PPFIA2: variants seen among roughly 807,000 people sequenced by gnomAD.
PPFIA2 encodes the protein PPFI scaffold protein A2.
PPFIA2 carries 46 observed loss-of-function variants against 175.5 expected under a neutral mutation model. The ratio of observed to expected loss-of-function variants is 0.26; its 90% CI spans 0.21 to 0.34. The LOEUF is 0.34. Ranked by LOEUF, PPFIA2 falls within the 10% of genes least tolerant of loss-of-function variation. PPFIA2 has a pLI of 1.00. For synonymous variants in PPFIA2, 568 were observed against 511.4 expected, an observed-to-expected ratio of 1.11 and a Z score of -1.49; for missense variants, 1,179 against 1,506.1, an observed-to-expected ratio of 0.78 and a Z score of 3.60.
intron 4 of PPFIA2, among the ~76,000 whole-genome samples, chr12:81,586,577 G>T (rs2075332158): frequency 8.2e-6 from 1 of 122,060 alleles, no homozygotes; most frequent in Non-Finnish European, 1.9e-5. Context: ...TCATAACAAA[G>T]ATTCAATATG....
Position 81,758,472 on chromosome 12 carries a change from AG to A in PPFIA2, c.-76del, listed in dbSNP as rs1310225634. The stretch of plus-strand genomic sequence containing the variant: ...AACCGCAGTCTCCGGCTTGAGGAGA[AG>A]GGAGGCTCACACCCAGCACTCCTGG... On this transcript the variant is annotated 5_prime_UTR_variant, in exon 2 of 33. Coordinates refer to ENST00000549396, the MANE Select transcript of PPFIA2 (RefSeq NM_003625.5). The A allele has an allele frequency of 2.2e-6, 1 of 456,528 alleles. No individual in the cohort carries two copies. The highest frequency in any genetic ancestry group is 2.3e-5 in the Admixed American group (1 of 42,580). The allele number at this position is 456,528 out of a possible 1,614,324, so 28.3% of individuals were successfully genotyped here. A position where few individuals can be genotyped will look rare whatever the true frequency, so the allele number is the denominator to read the frequency against.
chr12:81,671,873 T>C (rs1340826808), intron 4 of PPFIA2, among the ~76,000 whole-genome samples: 1 of 135,558 alleles, frequency 7.4e-6, no homozygotes, highest in African/African-American at 2.5e-5. Flanking sequence ...ATTATTATTT[T>C]CTATTTGCCT....
At chr12:81,597,284 T>C (rs2059351901) in intron 4 of PPFIA2, among the ~76,000 whole-genome samples, 1 of 152,078 alleles carries the variant, frequency 6.6e-6, no homozygotes, top group Non-Finnish European at 1.5e-5. Context: ...TGATGGCTGA[T>C]TTATTCACAG....
At chr12:81,332,757 G>A (rs1210653833) in intron 21 of PPFIA2, among the ~76,000 whole-genome samples, 1 of 152,034 alleles carries the variant, frequency 6.6e-6, no homozygotes, top group Non-Finnish European at 1.5e-5. Flanking sequence ...TTTCCTTTCC[G>A]GATCATCAGA....
chr12:81,552,682 A>T (rs1011835809), intron 4 of PPFIA2, among the ~76,000 whole-genome samples: 1 of 152,082 alleles, frequency 6.6e-6, no homozygotes, highest in African/African-American at 2.4e-5. Flanking sequence ...AAATGATAAT[A>T]ATTCAAATAA....
intron 4 of PPFIA2, among the ~76,000 whole-genome samples, chr12:81,649,288 CATATAGA>C: frequency 6.6e-6 from 1 of 152,170 alleles, no homozygotes; most frequent in East Asian, 1.9e-4. Flanking sequence ...CTTTAATGGG[CATATAGA>C]CAGCCAATAA....
chr12:81,615,389 A>T (rs891315896), intron 4 of PPFIA2, among the ~76,000 whole-genome samples: 5 of 152,224 alleles, frequency 3.3e-5, no homozygotes, highest in Non-Finnish European at 7.3e-5. Flanking sequence ...CCACATTAGC[A>T]TATAGACTGA....
chr12:81,337,794 A>G (rs1241366739), intron 21 of PPFIA2, among the ~76,000 whole-genome samples: 1 of 152,136 alleles, frequency 6.6e-6, no homozygotes, highest in Non-Finnish European at 1.5e-5. Flanking sequence ...ACTGTAATAT[A>G]TTGGATATGA....
At chr12:81,529,667 T>C (rs1398358071) in intron 4 of PPFIA2, among the ~76,000 whole-genome samples, 1 of 151,986 alleles carries the variant, frequency 6.6e-6, no homozygotes, top group Non-Finnish European at 1.5e-5. Context: ...TGAATGCCTT[T>C]AAAAATTGTA....
chr12:81,714,571 T>C (rs1224667636), intron 3 of PPFIA2, among the ~76,000 whole-genome samples: 1 of 150,958 alleles, frequency 6.6e-6, no homozygotes, highest in Non-Finnish European at 1.5e-5. Context: ...TGCCCTCGAA[T>C]AGATAAGCAC....
intron 7 of PPFIA2, among the ~76,000 whole-genome samples, chr12:81,418,046 TATTA>T (rs1481656527): frequency 2.0e-5 from 3 of 152,020 alleles, no homozygotes; most frequent in South Asian, 2.1e-4. Context: ...TGTTTGAATG[TATTA>T]ATTAATTTAA....
At chr12:81,648,135 T>C (rs1487734046) in intron 4 of PPFIA2, among the ~76,000 whole-genome samples, 1 of 151,330 alleles carries the variant, frequency 6.6e-6, no homozygotes, top group Non-Finnish European at 1.5e-5. Flanking sequence ...CTGAAATCAA[T>C]GTATACAATT....
chr12:81,391,830 G>T (rs1293948858), intron 8 of PPFIA2, among the ~76,000 whole-genome samples: 2 of 151,872 alleles, frequency 1.3e-5, no homozygotes, highest in African/African-American at 2.4e-5. Flanking sequence ...GAAACAGAAA[G>T]ATCAAAGACA....
At chr12:81,734,855 C>T (rs1408860745) in intron 3 of PPFIA2, among the ~76,000 whole-genome samples, 1 of 151,780 alleles carries the variant, frequency 6.6e-6, no homozygotes, top group African/African-American at 2.4e-5. Context: ...CGTAGGCAAA[C>T]TTTAATCTCC....
At chr12:81,664,027 C>T (rs1007154047) in intron 4 of PPFIA2, among the ~76,000 whole-genome samples, 48 of 152,082 alleles carry the variant, frequency 3.2e-4, no homozygotes, top group African/African-American at 1.1e-3. Flanking sequence ...ACACCTTATA[C>T]AAAAATAAAT....
intron 4 of PPFIA2, among the ~76,000 whole-genome samples, chr12:81,613,599 A>G (rs1393266848): frequency 1.3e-5 from 2 of 152,164 alleles, no homozygotes; most frequent in Non-Finnish European, 2.9e-5. Context: ...GATACAAAGA[A>G]TTCTCAGTCT....
At position 81,443,845 on chromosome 12, in the gene PPFIA2, C is replaced by CTTTTTTTTTTTT. The variant is rs1183160145; in HGVS notation, c.570+1699_570+1710dup. Among the ~76,000 whole-genome samples the CTTTTTTTTTTTT allele has an allele frequency of 8.4e-5, 6 of 71,160 alleles. 1 individual carries two copies. Among genetic ancestry groups the CTTTTTTTTTTTT allele is most frequent in the African/African-American group, 3.6e-4 (6 of 16,866 alleles). 46.7% of individuals were successfully genotyped at this position (71,160 alleles called of 152,430 possible). On this transcript the variant is annotated intron_variant, in intron 6 of 32. Transcript: ENST00000549396. ...ATACCTAGATCAAATGCCAACCTTT[C>CTTTTTTTTTTTT]TTTTTTTTTTTTTTTTTTTTTTTTT...
intron 3 of PPFIA2, among the ~76,000 whole-genome samples, chr12:81,742,111 C>T (rs1300059416): frequency 6.6e-6 from 1 of 152,056 alleles, no homozygotes; most frequent in Non-Finnish European, 1.5e-5. Flanking sequence ...AATGAGTGAG[C>T]TGGAAAACAG....
intron 24 of PPFIA2, among the ~76,000 whole-genome samples, chr12:81,288,109 C>T (rs980097129): frequency 1.3e-5 from 2 of 151,804 alleles, no homozygotes; most frequent in African/African-American, 4.8e-5. Flanking sequence ...TATACAGTAG[C>T]ACTTACTAAT....
Sources: allele counts gnomAD v4.1 joint callset (sites outside exome capture counted in the v4.1 genomes callset), GRCh38; gene constraint gnomAD v4.1.1; transcripts MANE v1.5; gene names NCBI Gene and HGNC (gene_info 2026-07-23, HGNC 2026-07-21).